Variants in SPOCK1 observed in about 807,000 individuals in gnomAD.
SPOCK1 encodes SPARC (osteonectin), cwcv and kazal like domains proteoglycan 1, also known as testican-1.
Under a neutral mutation model 55.3 loss-of-function variants are expected in SPOCK1, and 23 were observed. That is an observed-to-expected ratio of 0.42 (90% CI 0.30 to 0.59). SPOCK1 has a LOEUF of 0.59. SPOCK1 is among the 20% of genes least tolerant of loss of function. The probability of loss-of-function intolerance (pLI) is 0.22; values close to 1 mark genes in which losing one functional copy is unlikely to be tolerated. For synonymous variants in SPOCK1, 226 were observed against 221.0 expected (o/e 1.02, Z -0.20); for missense variants, 499 against 552.5 (o/e 0.90, Z 0.97).
intron 6 of SPOCK1, among the ~76,000 whole-genome samples, chr5:137,048,975 C>A (rs1200135239): frequency 3.1e-4 from 42 of 135,806 alleles, no homozygotes; most frequent in African/African-American, 1.1e-3. Context: ...GGCCCCCATT[C>A]TCTTCTGGCT....
chr5:137,081,831 C>T (rs564017766), intron 5 of SPOCK1, among the ~76,000 whole-genome samples: 71 of 152,340 alleles, frequency 4.7e-4, no homozygotes, highest in South Asian at 1.0e-3. Flanking sequence ...TGCTTGGCAT[C>T]ACCTCTGTGA....
chr5:137,361,141 G>C (rs938121011), intron 2 of SPOCK1, among the ~76,000 whole-genome samples: 4 of 152,202 alleles, frequency 2.6e-5, no homozygotes, highest in Non-Finnish European at 5.9e-5. Context: ...AGAGAAGTTA[G>C]CCATCTGCAA....
intron 3 of SPOCK1, among the ~76,000 whole-genome samples, chr5:137,196,306 C>T (rs1471591680): frequency 6.6e-6 from 1 of 152,178 alleles, no homozygotes; most frequent in Non-Finnish European, 1.5e-5. Context: ...CCAGAGAGCA[C>T]TTTTCATAAC....
chr5:137,333,415 G>A (rs1232493218), intron 2 of SPOCK1, among the ~76,000 whole-genome samples: 1 of 152,148 alleles, frequency 6.6e-6, no homozygotes, highest in East Asian at 1.9e-4. Flanking sequence ...GAGGCCACAA[G>A]ACCTCCAGCA....
chr5:137,201,323 C>T (rs995683812), intron 3 of SPOCK1, among the ~76,000 whole-genome samples: 2 of 152,176 alleles, frequency 1.3e-5, no homozygotes, highest in East Asian at 3.9e-4. Context: ...CACTACAAAA[C>T]TCTGGAACGA....
intron 2 of SPOCK1, among the ~76,000 whole-genome samples, chr5:137,284,890 T>C (rs906966968): frequency 3.3e-5 from 5 of 152,056 alleles, no homozygotes; most frequent in African/African-American, 1.2e-4. Flanking sequence ...AACCTTGCTA[T>C]GACACTGGAC....
At chr5:137,293,050 C>T (rs1193136261) in intron 2 of SPOCK1, among the ~76,000 whole-genome samples, 1 of 149,384 alleles carries the variant, frequency 6.7e-6, no homozygotes, top group Admixed American at 6.7e-5. Context: ...AAAACTGTGG[C>T]CACTGCTGTT....
intron 3 of SPOCK1, among the ~76,000 whole-genome samples, chr5:137,240,553 A>T (rs1756261986): frequency 6.6e-6 from 1 of 152,198 alleles, no homozygotes; most frequent in Non-Finnish European, 1.5e-5. Context: ...TCCAACACTG[A>T]GGATTACAAT....
intron 5 of SPOCK1, among the ~76,000 whole-genome samples, chr5:137,073,835 T>G (rs1210547239): frequency 6.6e-6 from 1 of 152,178 alleles, no homozygotes; most frequent in African/African-American, 2.4e-5. Flanking sequence ...AATGAAACAT[T>G]CACACAGTCT....
At chr5:137,026,435 C>A (rs984718477) in intron 6 of SPOCK1, among the ~76,000 whole-genome samples, 5 of 152,166 alleles carry the variant, frequency 3.3e-5, no homozygotes, top group African/African-American at 1.2e-4. Flanking sequence ...AGACTGACCT[C>A]CCCTGAAAAA....
intron 3 of SPOCK1, among the ~76,000 whole-genome samples, chr5:137,173,056 A>C (rs1754783157): frequency 6.6e-6 from 1 of 151,964 alleles, no homozygotes; most frequent in African/African-American, 2.4e-5. Context: ...CCAATCTCCC[A>C]TTGTGTATGG....
intron 3 of SPOCK1, among the ~76,000 whole-genome samples, chr5:137,231,732 T>A (rs1282740050): frequency 6.6e-6 from 1 of 152,244 alleles, no homozygotes; most frequent in Admixed American, 6.5e-5. Flanking sequence ...AACATACATT[T>A]TCATTTCTCT....
intron 3 of SPOCK1, among the ~76,000 whole-genome samples, chr5:137,143,192 AACTTGAGATTTTC>A (rs58289332): frequency 0.14 from 21,137 of 152,162 alleles, 1,553 homozygotes; most frequent in East Asian, 0.22. Context: ...TGCAGCAGAG[AACTTGAGATTTTC>A]ACTTGAGTGG....
At chr5:137,334,578 C>T (rs1392773536) in intron 2 of SPOCK1, among the ~76,000 whole-genome samples, 1 of 152,156 alleles carries the variant, frequency 6.6e-6, no homozygotes, top group Non-Finnish European at 1.5e-5. Flanking sequence ...GTTTTTCTGG[C>T]CTTGTGGTTT....
In SPOCK1 at chr5:136,978,691, T is replaced by G; in HGVS notation, c.1283A>C (p.Asp428Ala). The change falls in exon 11 of 11, where the codon GAT (aspartate) becomes GCT (alanine). Residue 428 changes from aspartate (D) to alanine (A), a missense_variant. This residue lies in a region of SPOCK1 where 83 missense variants were observed against 87.5 expected (regional missense o/e 0.95). Transcript: ENST00000394945. ...RAVTEDDEDEDDDKEDEVGYI... is the reference protein window; with the variant it reads ...RAVTEDDEDEADDKEDEVGYI... ...CCCGACCTCATCCTCTTTGTCATCA[T>G]CCTCATCCTCATCATCCTCTGTCAC... The G allele has an allele frequency of 6.2e-7, 1 of 1,613,416 alleles. No individual in the cohort carries two copies. Among genetic ancestry groups the G allele is most frequent in the South Asian group, 1.1e-5 (1 of 90,958 alleles).
chr5:137,288,709 G>A (rs948000827), intron 2 of SPOCK1, among the ~76,000 whole-genome samples: 5 of 152,148 alleles, frequency 3.3e-5, no homozygotes, highest in Non-Finnish European at 5.9e-5. Flanking sequence ...TCTAAGCAAG[G>A]TTATTGAAGT....
chr5:137,186,588 C>G (rs1417874886), intron 3 of SPOCK1, among the ~76,000 whole-genome samples: 3 of 152,226 alleles, frequency 2.0e-5, no homozygotes, highest in African/African-American at 4.8e-5. Flanking sequence ...GAGGACATAA[C>G]AGTTATTGTG....
chr5:137,309,904 T>C lies in SPOCK1; in HGVS notation c.187-42849A>G, dbSNP rs533900251. On this transcript the variant is annotated intron_variant, in intron 2 of 10. Transcript: ENST00000394945. ...TTCCAAGAGGGTCTGACATATCACA[T>C]GTCATAGGCATTCTATAAATAGTTG... 2.7e-3 allele frequency among the ~76,000 whole-genome samples: 404 copies of C among 152,286 alleles called. 1 individual carries two copies. The highest frequency in any genetic ancestry group is 4.3e-3 in the Non-Finnish European group (293 of 68,016).
chr5:137,160,636 TAATATATATTTTATATAATATAC>T (rs1561631877), intron 3 of SPOCK1, among the ~76,000 whole-genome samples: 9 of 89,972 alleles, frequency 1.0e-4, no homozygotes, highest in African/African-American at 3.0e-4. Flanking sequence ...ATATAATATA[TAATATATATTTTATATAATATAC>T]AATATATAAT....
Sources: allele counts gnomAD v4.1 joint callset (sites outside exome capture counted in the v4.1 genomes callset), GRCh38; gene constraint gnomAD v4.1.1; regional missense constraint gnomAD v4.1.1; transcripts MANE v1.5; gene names NCBI Gene and HGNC (gene_info 2026-07-23, HGNC 2026-07-21).